Variants in VPS13D observed in about 807,000 individuals in gnomAD.
The protein encoded by VPS13D is intermembrane lipid transfer protein VPS13D.
In VPS13D, 187 loss-of-function variants were observed where a neutral mutation model predicts 461.9. The ratio of observed to expected loss-of-function variants is 0.40; its 90% CI spans 0.36 to 0.46. VPS13D has a LOEUF of 0.46. Among genes scored for constraint, VPS13D ranks in the 20% least tolerant of loss-of-function variants. The pLI is 0.60. For missense variants in VPS13D, 4,711 were observed against 5,364.9 expected, an observed-to-expected ratio of 0.88 and a Z score of 3.81; for synonymous variants, 1,951 against 1,986.3, an observed-to-expected ratio of 0.98 and a Z score of 0.47.
At chr1:12,365,195 C>T (rs1644016934) in intron 52 of VPS13D, among the ~76,000 whole-genome samples, 1 of 152,154 alleles carries the variant, frequency 6.6e-6, no homozygotes, top group East Asian at 1.9e-4. Context: ...AAATGTGAGA[C>T]CTCCAACTTT....
intron 25 of VPS13D, among the ~76,000 whole-genome samples, chr1:12,300,214 T>TG (rs1642386190): frequency 6.7e-6 from 1 of 149,494 alleles, no homozygotes; most frequent in African/African-American, 2.5e-5. Flanking sequence ...TTGCTTTTTT[T>TG]TTTTTTTTTT....
intron 26 of VPS13D, among the ~76,000 whole-genome samples, chr1:12,307,848 T>G (rs998884656): frequency 6.6e-6 from 1 of 152,122 alleles, no homozygotes; most frequent in Non-Finnish European, 1.5e-5. Flanking sequence ...AAGTGAATGT[T>G]ATGGACTGTT....
intron 21 of VPS13D, among the ~76,000 whole-genome samples, chr1:12,287,918 A>T (rs1404175095): frequency 6.6e-6 from 1 of 152,210 alleles, no homozygotes; most frequent in Non-Finnish European, 1.5e-5. Context: ...TATAATATTA[A>T]TGATGAATGC....
At chr1:12,288,623 C>T (rs2101411349) in intron 22 of VPS13D, among the ~76,000 whole-genome samples, 1 of 151,672 alleles carries the variant, frequency 6.6e-6, no homozygotes, top group Non-Finnish European at 1.5e-5. Context: ...TCAACAGACT[C>T]TATCTAGGGT....
Position 12,484,755 on chromosome 1 carries a change from A to T in VPS13D, c.12663-12745A>T, listed in dbSNP as rs546132532. 3.3e-5 allele frequency among the ~76,000 whole-genome samples: 5 copies of T among 152,290 alleles called. No individual in the cohort carries two copies. In the South Asian group the frequency reaches 1.0e-3, roughly 32 times the overall value. ...GGAAAGTACAGATAAAAGCTGGTTG[A>T]GGAGGTGTTGATAGCACAGAGTGTT... On this transcript the variant is annotated intron_variant, in intron 67 of 69. Coordinates refer to ENST00000620676, the MANE Select transcript of VPS13D (RefSeq NM_015378.4).
At chr1:12,280,500 CT>C (rs774648603) in intron 20 of VPS13D, among the ~76,000 whole-genome samples, 313 of 139,774 alleles carry the variant, frequency 2.2e-3, no homozygotes, top group Middle Eastern at 7.5e-3. Context: ...TGTTGACTTA[CT>C]TTTTTTTTTT....
intron 2 of VPS13D, among the ~76,000 whole-genome samples, chr1:12,241,181 G>A (rs1379478691): frequency 1.3e-5 from 2 of 152,162 alleles, no homozygotes; most frequent in Non-Finnish European, 1.5e-5. Context: ...GGGCTCAAGC[G>A]ATTTCCCAGC....
intron 31 of VPS13D, among the ~76,000 whole-genome samples, chr1:12,319,209 A>G (rs969204825): frequency 1.3e-5 from 2 of 152,230 alleles, no homozygotes; most frequent in Admixed American, 1.3e-4. Flanking sequence ...GCCTCCCAGG[A>G]GAACTGGGGT....
intron 31 of VPS13D, 81 bp downstream of exon 31, chr1:12,318,418 T>C: frequency 6.6e-7 from 1 of 1,509,920 alleles, no homozygotes; most frequent in Non-Finnish European, 8.9e-7. Flanking sequence ...GATTGCTCTT[T>C]TGCCTCCCAT....
chr1:12,431,579 T>TA (rs1204707080), intron 65 of VPS13D, among the ~76,000 whole-genome samples: 1 of 151,748 alleles, frequency 6.6e-6, no homozygotes, highest in African/African-American at 2.4e-5. Context: ...CTTTATTTTT[T>TA]ATCCATTTGT....
intron 67 of VPS13D, among the ~76,000 whole-genome samples, chr1:12,493,614 A>G (rs150961691): frequency 1.3e-5 from 2 of 152,324 alleles, no homozygotes; most frequent in South Asian, 4.1e-4. Context: ...CTGCTGTTAC[A>G]TGGTCATACT....
intron 21 of VPS13D, 76 bp from the exon 22 acceptor site, chr1:12,288,147 A>T: frequency 7.8e-7 from 1 of 1,281,692 alleles, no homozygotes; most frequent in Admixed American, 1.8e-5. Context: ...ATTTTCCTTG[A>T]TTGCTCTGCC....
intron 67 of VPS13D, among the ~76,000 whole-genome samples, chr1:12,463,695 C>T (rs1198301466): frequency 6.6e-6 from 1 of 152,044 alleles, no homozygotes; most frequent in Non-Finnish European, 1.5e-5. Context: ...GTTGAGGCTG[C>T]AGTGAGCTAT....
At chr1:12,450,533 GAGTTTTGA>G (rs1192713880) in intron 65 of VPS13D, among the ~76,000 whole-genome samples, 1 of 152,148 alleles carries the variant, frequency 6.6e-6, no homozygotes, top group Non-Finnish European at 1.5e-5. Flanking sequence ...TTCAGATTTT[GAGTTTTGA>G]TCTTCCTGGG....
At chr1:12,479,097 A>G (rs534601468) in intron 67 of VPS13D, among the ~76,000 whole-genome samples, 3 of 152,334 alleles carry the variant, frequency 2.0e-5, no homozygotes, top group African/African-American at 7.2e-5. Flanking sequence ...TGTCCATTCA[A>G]TAGGGAGGGC....
At chr1:12,300,397 G>C (rs940945019) in intron 25 of VPS13D, among the ~76,000 whole-genome samples, 2 of 151,786 alleles carry the variant, frequency 1.3e-5, no homozygotes, top group African/African-American at 4.8e-5. Context: ...TAGTAGAGAC[G>C]AGGTTTCACC....
At chr1:12,424,374 C>G (rs1297472640) in intron 65 of VPS13D, among the ~76,000 whole-genome samples, 1 of 152,112 alleles carries the variant, frequency 6.6e-6, no homozygotes, top group Non-Finnish European at 1.5e-5. Flanking sequence ...AGTCTGAGCT[C>G]TTTTTGGTTA....
In VPS13D at chr1:12,277,414, G is replaced by C. The variant is rs1284020250; in HGVS notation, c.3826G>C (p.Glu1276Gln). 1.2e-6 allele frequency: 2 copies of C among 1,614,188 alleles called. No homozygotes were observed. Among genetic ancestry groups the C allele is most frequent in the Admixed American group, 3.3e-5 (2 of 60,018 alleles). Residue 1276 changes from glutamate (E) to glutamine (Q), a missense_variant, in exon 19 of 70, where the codon GAG becomes CAG. By Grantham distance (29) the Glu-to-Gln change is conservative. This residue lies in a region of VPS13D where 4,411 missense variants were observed against 4,937.8 expected (regional missense o/e 0.89). Transcript: ENST00000620676. ...LTEALSFTFV[E>Q]RSKQECFLNL... The stretch of plus-strand genomic sequence containing the variant: ...TGAAGCTTTGAGTTTCACGTTTGTT[G>C]AGAGATCTAAACAGGAGTGTTTTCT...
intron 24 of VPS13D, among the ~76,000 whole-genome samples, chr1:12,298,641 C>CAA (rs55991526): frequency 1.6e-5 from 2 of 124,432 alleles, no homozygotes; most frequent in Non-Finnish European, 1.7e-5. Context: ...GACTCTGTCT[C>CAA]AAAAAAAAAA....
Sources: allele counts gnomAD v4.1 joint callset (sites outside exome capture counted in the v4.1 genomes callset), GRCh38; gene constraint gnomAD v4.1.1; regional missense constraint gnomAD v4.1.1; transcripts MANE v1.5; gene names NCBI Gene and HGNC (gene_info 2026-07-23, HGNC 2026-07-21).